The following YAP1 variants were observed in gnomAD, a reference collection of about 807,000 sequenced individuals.
YAP1 encodes Yes1 associated transcriptional regulator.
YAP1 carries 5 observed loss-of-function variants against 56.9 expected under a neutral mutation model. The observed-to-expected ratio is 0.09, with a 90% CI of 0.05 to 0.18. YAP1 has a LOEUF of 0.18. Among genes scored for constraint, YAP1 ranks in the 10% least tolerant of loss-of-function variants. The probability of loss-of-function intolerance (pLI) is 1.00; values close to 1 mark genes in which losing one functional copy is unlikely to be tolerated. For synonymous variants in YAP1, 265 were observed against 248.1 expected (o/e 1.07, Z -0.64); for missense variants, 539 against 651.8 (o/e 0.83, Z 1.88).
chr11:102,226,555 A>G (rs1398337356), intron 7 of YAP1, among the ~76,000 whole-genome samples: 1 of 152,168 alleles, frequency 6.6e-6, no homozygotes, highest in Admixed American at 6.5e-5. Flanking sequence ...TTTCTCTAAG[A>G]TTTTGTAGAG....
At chr11:102,226,580 G>A (rs1456814673) in intron 7 of YAP1, among the ~76,000 whole-genome samples, 1 of 152,142 alleles carries the variant, frequency 6.6e-6, no homozygotes, top group Non-Finnish European at 1.5e-5. Flanking sequence ...TAGAACTCAG[G>A]GAATGCCAGC....
intron 3 of YAP1, among the ~76,000 whole-genome samples, chr11:102,163,414 C>T (rs1485483854): frequency 6.6e-6 from 1 of 152,134 alleles, no homozygotes; most frequent in East Asian, 1.9e-4. Flanking sequence ...CACAGTTAGC[C>T]CATTATGTAC....
intron 2 of YAP1, among the ~76,000 whole-genome samples, chr11:102,146,067 T>G (rs890705195): frequency 6.6e-5 from 10 of 152,336 alleles, no homozygotes; most frequent in Admixed American, 2.0e-4. Context: ...GTTAGTTAAG[T>G]TAGTTAAATT....
At chr11:102,183,351 T>A (rs118043697) in intron 3 of YAP1, among the ~76,000 whole-genome samples, 13 of 152,348 alleles carry the variant, frequency 8.5e-5, no homozygotes, top group Admixed American at 5.2e-4. Flanking sequence ...GTAAAGAATT[T>A]AGGCATTTTC....
intron 3 of YAP1, among the ~76,000 whole-genome samples, chr11:102,181,441 G>A (rs935973328): frequency 1.4e-4 from 22 of 151,790 alleles, no homozygotes; most frequent in East Asian, 3.9e-4. Flanking sequence ...GCGAGACTCC[G>A]TCTCAAAAAT....
chr11:102,136,525 GT>G (rs1039857155), intron 2 of YAP1, among the ~76,000 whole-genome samples: 1 of 151,630 alleles, frequency 6.6e-6, no homozygotes, highest in African/African-American at 2.4e-5. Context: ...GTTTTTGTTT[GT>G]TTTTTTGGTA....
intron 2 of YAP1, among the ~76,000 whole-genome samples, chr11:102,133,259 G>T (rs1944473691): frequency 6.6e-6 from 1 of 152,112 alleles, no homozygotes; most frequent in Non-Finnish European, 1.5e-5. Flanking sequence ...TAAGCTCTAG[G>T]ATTTTAAGTT....
chr11:102,165,187 T>G (rs1277322400), intron 3 of YAP1, among the ~76,000 whole-genome samples: 1 of 150,022 alleles, frequency 6.7e-6, no homozygotes, highest in African/African-American at 2.5e-5. Context: ...GGTGAAACCT[T>G]GTCTCTACAA....
intron 6 of YAP1, among the ~76,000 whole-genome samples, chr11:102,217,232 T>C (rs1211323490): frequency 2.0e-5 from 3 of 152,224 alleles, no homozygotes; most frequent in African/African-American, 7.2e-5. Flanking sequence ...TTATGTAGTT[T>C]TGAAAGTTAA....
At chr11:102,222,914 C>CAT (rs745332855) in intron 6 of YAP1, among the ~76,000 whole-genome samples, 24 of 151,678 alleles carry the variant, frequency 1.6e-4, no homozygotes, top group Non-Finnish European at 2.4e-4. Context: ...CACACAAAAC[C>CAT]ATATAAGAGT....
In YAP1 at chr11:102,209,537, C is replaced by G. The variant is rs547427078; in HGVS notation, c.1005C>G (p.Pro335=). 1 of 1,600,678 alleles carries G rather than the reference C, an allele frequency of 6.2e-7. No individual in the cohort carries two copies. The highest frequency in any genetic ancestry group is 1.1e-5 in the South Asian group (1 of 88,560). ...CTTAGGCAATGCGGAATATCAATCCCAGCACAGCAAATTCTCCAAAATGTC... is the reference window on the plus strand; with the variant it reads ...CTTAGGCAATGCGGAATATCAATCCGAGCACAGCAAATTCTCCAAAATGTC... The part of the protein sequence containing the change: ...LLRQAMRNIN[P]STANSPKCQE... Residue 335 remains proline (P), a synonymous_variant, in exon 6 of 9, where the codon CCC becomes CCG. Transcript: ENST00000282441.
intron 4 of YAP1, among the ~76,000 whole-genome samples, chr11:102,191,300 C>T (rs969567821): frequency 3.9e-5 from 6 of 152,112 alleles, no homozygotes; most frequent in Admixed American, 3.3e-4. Flanking sequence ...TTCAACATCC[C>T]TGGCCCGCTA....
At chr11:102,207,607 T>C (rs968789802) in intron 5 of YAP1, among the ~76,000 whole-genome samples, 2 of 152,168 alleles carry the variant, frequency 1.3e-5, no homozygotes, top group Non-Finnish European at 2.9e-5. Context: ...GGGTTTTTTT[T>C]AGGGCTGTAT....
chr11:102,142,215 A>G (rs1264762519), intron 2 of YAP1, among the ~76,000 whole-genome samples: 6 of 152,218 alleles, frequency 3.9e-5, no homozygotes, highest in African/African-American at 1.4e-4. Context: ...GTGACATTAT[A>G]GAATTTAGGT....
chr11:102,223,556 T>C lies in YAP1; in HGVS notation c.1033-66T>C, dbSNP rs1190181170. 6.5e-6 allele frequency: 10 copies of C among 1,546,962 alleles called. No homozygotes were observed. The Admixed American group carries it at 1.8e-4, about 28-fold the overall frequency. ...CGGTTACTCTGATGAACGTTTTATTTCTTTAAACCTAACATTAAATGTGTT... is the reference window on the plus strand; with the variant it reads ...CGGTTACTCTGATGAACGTTTTATTCCTTTAAACCTAACATTAAATGTGTT... On this transcript the variant is annotated intron_variant, in intron 6 of 8. Transcript: ENST00000282441.
chr11:102,133,241 A>G (rs1944472345), intron 2 of YAP1, among the ~76,000 whole-genome samples: 1 of 152,216 alleles, frequency 6.6e-6, no homozygotes, highest in African/African-American at 2.4e-5. Context: ...AAACTCGACA[A>G]TTCTTACTAA....
At chr11:102,216,358 A>G (rs954456565) in intron 6 of YAP1, among the ~76,000 whole-genome samples, 3 of 152,200 alleles carry the variant, frequency 2.0e-5, no homozygotes, top group Non-Finnish European at 4.4e-5. Flanking sequence ...AAATCTTAAT[A>G]TGGGTAAGCA....
intron 2 of YAP1, among the ~76,000 whole-genome samples, chr11:102,121,761 T>G (rs1433589839): frequency 2.0e-5 from 3 of 152,192 alleles, no homozygotes; most frequent in Non-Finnish European, 4.4e-5. Context: ...CCTCTGATTT[T>G]AGGCATTTCT....
intron 2 of YAP1, among the ~76,000 whole-genome samples, chr11:102,145,266 T>A (rs1945266167): frequency 6.6e-6 from 1 of 152,178 alleles, no homozygotes; most frequent in Non-Finnish European, 1.5e-5. Flanking sequence ...GTGTTTTTGG[T>A]GTTCTCCAGT....
Sources: gnomAD v4.1 joint callset for allele counts (sites outside exome capture counted in the v4.1 genomes callset) on GRCh38, gnomAD v4.1.1 for gene constraint, MANE v1.5 for transcripts, NCBI Gene and HGNC (gene_info 2026-07-23, HGNC 2026-07-21) for gene names.